Variants in FBXO9 observed in about 807,000 individuals in gnomAD.
FBXO9 encodes F-box protein 9.
Under a neutral mutation model 63.7 loss-of-function variants are expected in FBXO9, and 43 were observed. The observed-to-expected ratio is 0.67, with a 90% CI of 0.53 to 0.87. The LOEUF (loss-of-function observed/expected upper bound fraction) is 0.87. FBXO9 is among the 40% of genes least tolerant of loss of function. FBXO9 has a pLI of 0.00. For synonymous variants in FBXO9, 156 were observed against 171.7 expected, an observed-to-expected ratio of 0.91 and a Z score of 0.72; for missense variants, 442 against 533.2, an observed-to-expected ratio of 0.83 and a Z score of 1.68.
At chr6:53,085,917 A>T (rs1224060837) in intron 7 of FBXO9, among the ~76,000 whole-genome samples, 1 of 152,188 alleles carries the variant, frequency 6.6e-6, no homozygotes, top group Non-Finnish European at 1.5e-5. Context: ...TGGGAGGATG[A>T]GGCGGGTGGA....
chr6:53,089,549 T>A (rs1762987817), intron 7 of FBXO9, among the ~76,000 whole-genome samples: 1 of 152,192 alleles, frequency 6.6e-6, no homozygotes, highest in Non-Finnish European at 1.5e-5. Flanking sequence ...AATATTAAAC[T>A]GAATGCACAG....
chr6:53,097,650 C>T, intron 12 of FBXO9, 72 bp from the exon 13 acceptor site: 1 of 842,738 alleles, frequency 1.2e-6, no homozygotes, highest in Non-Finnish European at 1.9e-6. Flanking sequence ...GAATAACCTT[C>T]CCCAAACACA....
chr6:53,091,912 T>A (rs1458049176), intron 7 of FBXO9: 3 of 155,990 alleles, frequency 1.9e-5, no homozygotes, highest in Admixed American at 1.9e-4. Context: ...AACCCTCCAG[T>A]GGCATCCATC....
In FBXO9 at chr6:53,073,463, A is replaced by G. The variant is rs1397728176; in HGVS notation, c.91-18A>G. On this transcript the variant is annotated intron_variant, in intron 2 of 12. Transcript: ENST00000323557. ...CTACCCTTCCTTGATGAGTCCTAAA[A>G]TGCTGTTCTCCCCATAGGCACAACT... 1 of 1,611,164 alleles carries G rather than the reference A, an allele frequency of 6.2e-7. No individual in the cohort carries two copies. The highest frequency in any genetic ancestry group is 1.7e-5 in the Admixed American group (1 of 59,530).
chr6:53,070,923 T>A, intron 1 of FBXO9, 134 bp from the exon 2 acceptor site: 1 of 1,435,196 alleles, frequency 7.0e-7, no homozygotes, highest in Non-Finnish European at 9.3e-7. Flanking sequence ...CCTACAGCCT[T>A]GCTACTCAAA....
At chr6:53,082,369 C>A in intron 6 of FBXO9, 135 bp from the exon 7 acceptor site, 1 of 485,692 alleles carries the variant, frequency 2.1e-6, no homozygotes, top group Non-Finnish European at 3.7e-6. Context: ...TAGCTAAATA[C>A]ATTCATGCTT....
intron 3 of FBXO9, among the ~76,000 whole-genome samples, chr6:53,075,634 G>C (rs1282322485): frequency 6.7e-6 from 1 of 148,362 alleles, no homozygotes; most frequent in Non-Finnish European, 1.5e-5. Flanking sequence ...TTGTGATGTT[G>C]AACATCTTTT....
chr6:53,092,702 T>C (rs781320924), intron 8 of FBXO9, 32 bp from the exon 9 acceptor site: 2 of 1,521,078 alleles, frequency 1.3e-6, no homozygotes, highest in South Asian at 1.2e-5. Context: ...CTGAATATTA[T>C]AATTTTTAAC....
intron 7 of FBXO9, among the ~76,000 whole-genome samples, chr6:53,086,023 C>T (rs767986135): frequency 6.6e-6 from 1 of 152,208 alleles, no homozygotes; most frequent in Non-Finnish European, 1.5e-5. Context: ...GTGGCTCATG[C>T]CTATAATCCC....
At chr6:53,070,669 T>C (rs576305641) in intron 1 of FBXO9, among the ~76,000 whole-genome samples, 1 of 152,330 alleles carries the variant, frequency 6.6e-6, no homozygotes, top group South Asian at 2.1e-4. Flanking sequence ...TATGCAAATA[T>C]GCCATATGAG....
In FBXO9 at chr6:53,083,019, T is replaced by C. The variant is rs1016073261; in HGVS notation, c.653+401T>C. 7.2e-5 allele frequency among the ~76,000 whole-genome samples: 11 copies of C among 152,328 alleles called. No homozygotes were observed. The East Asian group carries it at 2.1e-3, about 29-fold the overall frequency. On this transcript the variant is annotated intron_variant, in intron 7 of 12. Transcript: ENST00000323557. ...GGCTCATTAAAAGTTATTCTATATT[T>C]TGAAAATTTTGCTATGTGTGGGAAA...
rs1029976901 is a variant in FBXO9, at chr6:53,065,651, T to A, written c.-139T>A. The A allele has an allele frequency of 2.3e-5, 24 of 1,057,300 alleles. No homozygotes were observed. The highest frequency in any genetic ancestry group is 3.0e-5 in the Non-Finnish European group (24 of 808,486). 65.5% of individuals were successfully genotyped at this position (1,057,300 alleles called of 1,614,324 possible). ...AGTTATTGCCGCTGCCTGGTGCGCT[T>A]CTCCGACCGAGAACTCTGCTAAGCT... On this transcript the variant is annotated 5_prime_UTR_variant, in exon 1 of 13. Coordinates refer to ENST00000323557, the MANE Select transcript of FBXO9 (RefSeq NM_033480.3).
chr6:53,093,805 C>A, intron 10 of FBXO9, 80 bp from the exon 11 acceptor site: 2 of 1,124,732 alleles, frequency 1.8e-6, no homozygotes, highest in South Asian at 1.5e-5. Flanking sequence ...AGAGTAAACA[C>A]TGTTGTAATT....
intron 12 of FBXO9, among the ~76,000 whole-genome samples, chr6:53,096,362 C>T (rs1763210045): frequency 1.3e-5 from 2 of 152,172 alleles, no homozygotes; most frequent in Non-Finnish European, 2.9e-5. Flanking sequence ...ACTGAAGGCT[C>T]TTCGTTCTGC....
At chr6:53,081,761 G>T (rs2127493866) in intron 6 of FBXO9, among the ~76,000 whole-genome samples, 1 of 152,308 alleles carries the variant, frequency 6.6e-6, no homozygotes, top group Middle Eastern at 3.4e-3. Context: ...GAGACAGACT[G>T]AATGTTTAGG....
intron 1 of FBXO9, among the ~76,000 whole-genome samples, chr6:53,067,211 G>A (rs1412002191): frequency 6.6e-6 from 1 of 152,134 alleles, no homozygotes; most frequent in East Asian, 1.9e-4. Context: ...CACATGAAAA[G>A]GGACCTCAGT....
intron 1 of FBXO9, among the ~76,000 whole-genome samples, chr6:53,069,774 G>A (rs1015769393): frequency 2.0e-5 from 3 of 152,066 alleles, no homozygotes; most frequent in Non-Finnish European, 4.4e-5. Flanking sequence ...TTCACAAACT[G>A]TGAAATATAT....
chr6:53,081,972 G>C, intron 6 of FBXO9, among the ~76,000 whole-genome samples: 1 of 152,100 alleles, frequency 6.6e-6, no homozygotes, highest in East Asian at 1.9e-4. Flanking sequence ...GGGAGGCTGA[G>C]GCACGAGAAT....
Position 53,071,088 on chromosome 6 carries a change from C to G in FBXO9, c.35C>G (p.Thr12Ser), listed in dbSNP as rs779980105. 3.2e-6 allele frequency: 5 copies of G among 1,575,386 alleles called. No homozygotes were observed. The highest frequency in any genetic ancestry group is 3.5e-6 in the Non-Finnish European group (4 of 1,158,574). Residue 12 changes from threonine to serine, a missense_variant, in exon 2 of 13, where the codon ACT becomes AGT. Coordinates refer to ENST00000323557, the MANE Select transcript of FBXO9 (RefSeq NM_033480.3). ...GCTGAGGAAGATTGTCATTCTGATA[C>G]TGTCAGAGCAGATGATGATGAAGAA... ...AEAEEDCHSDTVRADDDEENE... is the reference protein window; with the variant it reads ...AEAEEDCHSDSVRADDDEENE...
Sources: allele counts gnomAD v4.1 joint callset (sites outside exome capture counted in the v4.1 genomes callset), GRCh38; gene constraint gnomAD v4.1.1; transcripts MANE v1.5; gene names NCBI Gene and HGNC (gene_info 2026-07-23, HGNC 2026-07-21).